The following UGT8 variants were observed in gnomAD, a reference collection of about 807,000 sequenced individuals.
UGT8 encodes the protein UDP glycosyltransferase 8.
UGT8 carries 12 observed loss-of-function variants against 40.5 expected under a neutral mutation model. That is an observed-to-expected ratio of 0.30 (90% confidence interval 0.19 to 0.48). The LOEUF is 0.48. Among genes scored for constraint, UGT8 ranks in the 20% least tolerant of loss-of-function variants. The probability of loss-of-function intolerance (pLI) is 0.99; values close to 1 mark genes in which losing one functional copy is unlikely to be tolerated. For synonymous variants in UGT8, 224 were observed against 240.4 expected (o/e 0.93, Z 0.63); for missense variants, 513 against 648.7 (o/e 0.79, Z 2.27).
intron 2 of UGT8, among the ~76,000 whole-genome samples, chr4:114,633,642 CT>C (rs1732712419): frequency 6.6e-6 from 1 of 152,164 alleles, no homozygotes; most frequent in Non-Finnish European, 1.5e-5. Flanking sequence ...ATTGGATTTA[CT>C]TTTAGAAAAT....
In UGT8 at chr4:114,643,029, T is replaced by G. The variant is rs569282828; in HGVS notation, c.822+19327T>G. 2.6e-5 allele frequency among the ~76,000 whole-genome samples: 4 copies of G among 152,248 alleles called. No individual in the cohort carries two copies. In the South Asian group the frequency reaches 8.3e-4, roughly 32 times the overall value. ...AGATATTTGAAAGAAGAACAAAGGC[T>G]TTTTTGGTTCTTATTATTTTAATGT... On this transcript the variant is annotated intron_variant, in intron 2 of 5. Transcript: ENST00000310836.
At chr4:114,660,877 C>T (rs912400223) in intron 2 of UGT8, among the ~76,000 whole-genome samples, 2 of 145,036 alleles carry the variant, frequency 1.4e-5, no homozygotes, top group African/African-American at 2.6e-5. Context: ...GGTGACTGAG[C>T]GAGACTCTGT....
At chr4:114,608,677 G>T (rs1730873454) in intron 1 of UGT8, among the ~76,000 whole-genome samples, 9 of 152,040 alleles carry the variant, frequency 5.9e-5, no homozygotes, top group Admixed American at 5.9e-4. Context: ...GGTTTAGTGG[G>T]TTTTCTTTTT....
At chr4:114,614,237 C>G (rs1361547903) in intron 1 of UGT8, among the ~76,000 whole-genome samples, 1 of 152,132 alleles carries the variant, frequency 6.6e-6, no homozygotes, top group Non-Finnish European at 1.5e-5. Flanking sequence ...CAACAACTGT[C>G]TTTATAACCT....
intron 5 of UGT8, among the ~76,000 whole-genome samples, chr4:114,672,876 T>A (rs1415871001): frequency 6.6e-6 from 1 of 152,234 alleles, no homozygotes; most frequent in Admixed American, 6.5e-5. Flanking sequence ...TACGTCTCTG[T>A]TTCCTAATGC....
At chr4:114,654,101 C>G (rs1356257748) in intron 2 of UGT8, among the ~76,000 whole-genome samples, 3 of 152,046 alleles carry the variant, frequency 2.0e-5, no homozygotes, top group African/African-American at 7.2e-5. Context: ...GTAAGTATTA[C>G]ATTTTCTTTG....
intron 2 of UGT8, among the ~76,000 whole-genome samples, chr4:114,653,728 A>G (rs1052540705): frequency 9.2e-5 from 14 of 152,102 alleles, no homozygotes; most frequent in Non-Finnish European, 1.3e-4. Flanking sequence ...GAGATTTAAT[A>G]TAAGTGCATT....
At chr4:114,650,241 A>G (rs1258937450) in intron 2 of UGT8, among the ~76,000 whole-genome samples, 3 of 152,200 alleles carry the variant, frequency 2.0e-5, no homozygotes, top group Non-Finnish European at 1.5e-5. Context: ...TTTTCCAAGC[A>G]TCTTATCTGC....
At chr4:114,639,254 A>T (rs1394792052) in intron 2 of UGT8, among the ~76,000 whole-genome samples, 2 of 152,180 alleles carry the variant, frequency 1.3e-5, no homozygotes, top group African/African-American at 4.8e-5. Flanking sequence ...GTCATTCATC[A>T]ATTCTCTCAG....
intron 5 of UGT8, among the ~76,000 whole-genome samples, chr4:114,675,035 G>A (rs922408694): frequency 2.6e-5 from 4 of 152,120 alleles, no homozygotes; most frequent in Admixed American, 2.0e-4. Context: ...ATATATACAT[G>A]CATACATTAC....
chr4:114,660,088 C>A (rs548698670), intron 2 of UGT8, among the ~76,000 whole-genome samples: 1 of 151,980 alleles, frequency 6.6e-6, no homozygotes, highest in South Asian at 2.1e-4. Context: ...AGAAATGATG[C>A]TGTAAAATTA....
rs933565187 is a variant in UGT8, at chr4:114,600,447, A to G, written c.-3+1473A>G. On this transcript the variant is annotated intron_variant, in intron 1 of 5. Transcript: ENST00000310836. Reference sequence around the variant, plus strand: ...CACTCAAAATTGGCGTGCTTCTGACATATCCCCAGAAAAAAATCACCACCA... The same window carrying G: ...CACTCAAAATTGGCGTGCTTCTGACGTATCCCCAGAAAAAAATCACCACCA... Among the ~76,000 whole-genome samples the G allele has an allele frequency of 7.9e-5, 12 of 152,320 alleles. 1 individual carries two copies. In the South Asian group the frequency reaches 2.5e-3, roughly 32 times the overall value.
At chr4:114,666,475 T>C (rs534328376) in intron 4 of UGT8, among the ~76,000 whole-genome samples, 1 of 152,236 alleles carries the variant, frequency 6.6e-6, no homozygotes, top group South Asian at 2.1e-4. Flanking sequence ...CTTATTATAA[T>C]ACTATTCTAT....
chr4:114,646,453 T>G (rs1229132250), intron 2 of UGT8, among the ~76,000 whole-genome samples: 1 of 152,032 alleles, frequency 6.6e-6, no homozygotes, highest in South Asian at 2.1e-4. Flanking sequence ...AACAGTGAAG[T>G]TGTCATCATT....
intron 5 of UGT8, among the ~76,000 whole-genome samples, chr4:114,671,056 C>T (rs1324711309): frequency 6.6e-6 from 1 of 152,088 alleles, no homozygotes; most frequent in Admixed American, 6.5e-5. Context: ...AAGTCCCATT[C>T]AGCAATCACT....
At chr4:114,615,781 T>G (rs1032932819) in intron 1 of UGT8, among the ~76,000 whole-genome samples, 4 of 152,224 alleles carry the variant, frequency 2.6e-5, no homozygotes, top group African/African-American at 9.7e-5. Flanking sequence ...TAAGTAGAAC[T>G]TATTTATGTG....
At chr4:114,639,458 T>C (rs1238109165) in intron 2 of UGT8, among the ~76,000 whole-genome samples, 3 of 152,220 alleles carry the variant, frequency 2.0e-5, no homozygotes, top group Non-Finnish European at 4.4e-5. Context: ...AGTGGTGCCA[T>C]GAAAGGTAGC....
At chr4:114,672,297 G>A (rs1735340088) in intron 5 of UGT8, among the ~76,000 whole-genome samples, 1 of 152,168 alleles carries the variant, frequency 6.6e-6, no homozygotes, top group Non-Finnish European at 1.5e-5. Flanking sequence ...AGTACCATTT[G>A]ACCCAGCAAT....
intron 1 of UGT8, among the ~76,000 whole-genome samples, chr4:114,604,705 T>C (rs1352742798): frequency 6.6e-6 from 1 of 152,164 alleles, no homozygotes; most frequent in Non-Finnish European, 1.5e-5. Flanking sequence ...GTACATATTG[T>C]TTACTAATTG....
Sources: allele counts gnomAD v4.1 joint callset (sites outside exome capture counted in the v4.1 genomes callset), GRCh38; gene constraint gnomAD v4.1.1; transcripts MANE v1.5; gene names NCBI Gene and HGNC (gene_info 2026-07-23, HGNC 2026-07-21).